ATXN7L1: variants seen among roughly 807,000 people sequenced by gnomAD.
The protein encoded by ATXN7L1 is ataxin 7 like 1.
In ATXN7L1, 15 loss-of-function variants were observed where a neutral mutation model predicts 70.8. That is an observed-to-expected ratio of 0.21 (90% CI 0.14 to 0.33). The LOEUF is 0.33. Among genes scored for constraint, ATXN7L1 ranks in the 10% least tolerant of loss-of-function variants. ATXN7L1 has a pLI of 1.00. For synonymous variants in ATXN7L1, 440 were observed against 445.1 expected, an observed-to-expected ratio of 0.99 and a Z score of 0.14; for missense variants, 975 against 1,097.1, an observed-to-expected ratio of 0.89 and a Z score of 1.57.
At chr7:105,851,283 C>A (rs1205734321) in intron 2 of ATXN7L1, among the ~76,000 whole-genome samples, 1 of 152,156 alleles carries the variant, frequency 6.6e-6, no homozygotes, top group East Asian at 1.9e-4. Flanking sequence ...ACACAGCAAG[C>A]AAGCAGCAGG....
chr7:105,852,413 C>T (rs1183951044), intron 2 of ATXN7L1, among the ~76,000 whole-genome samples: 2 of 152,172 alleles, frequency 1.3e-5, no homozygotes, highest in African/African-American at 2.4e-5. Context: ...AGCAAAAGCA[C>T]TAGTGGCCTT....
intron 3 of ATXN7L1, among the ~76,000 whole-genome samples, chr7:105,717,474 T>C (rs778911752): frequency 2.0e-5 from 3 of 152,236 alleles, no homozygotes; most frequent in Non-Finnish European, 4.4e-5. Context: ...GTAGCCTATA[T>C]TGTTTGTTAT....
At chr7:105,695,811 G>T (rs1203415903) in intron 3 of ATXN7L1, among the ~76,000 whole-genome samples, 2 of 152,204 alleles carry the variant, frequency 1.3e-5, no homozygotes, top group Non-Finnish European at 2.9e-5. Context: ...CACACGCACA[G>T]CTTAATCTGG....
chr7:105,716,093 C>T (rs1794511163), intron 3 of ATXN7L1, among the ~76,000 whole-genome samples: 1 of 152,088 alleles, frequency 6.6e-6, no homozygotes, highest in South Asian at 2.1e-4. Flanking sequence ...CTTAAGTCAT[C>T]TGAGGCCACA....
intron 4 of ATXN7L1, among the ~76,000 whole-genome samples, chr7:105,659,621 GA>G: frequency 6.6e-6 from 1 of 152,210 alleles, no homozygotes; most frequent in East Asian, 1.9e-4. Context: ...GGCCAGGAGA[GA>G]AGGGGACTGA....
chr7:105,760,175 A>C, intron 3 of ATXN7L1: 1 of 982,032 alleles, frequency 1.0e-6, no homozygotes. Context: ...CTGTCTGTCC[A>C]TCTATCCAAC....
Position 105,638,602 on chromosome 7 carries a change from G to C in ATXN7L1, c.953C>G (p.Ser318Trp). ...CTRSLTCKTH[S>W]LSHRRAVPGR... ...TGGGACTGCCCTCCGATGGCTTAGC[G>C]AATGTGTCTAAGGAGAAGAGAAATG... The change falls in exon 7 of 12, where the codon TCG (serine) becomes TGG (tryptophan). Residue 318 changes from serine to tryptophan, a missense_variant. By Grantham distance (177) the Ser-to-Trp change is radical. Around this residue, in one of 5 missense-constraint regions of ATXN7L1, gnomAD observed 6 missense variants for 24.7 expected, o/e 0.24. Coordinates refer to ENST00000419735, the MANE Select transcript of ATXN7L1 (RefSeq NM_020725.2). The C allele has an allele frequency of 4.5e-6, 7 of 1,551,398 alleles. No individual in the cohort carries two copies. Among genetic ancestry groups the C allele is most frequent in the Non-Finnish European group, 6.1e-6 (7 of 1,146,848 alleles).
At chr7:105,633,936 A>G (rs1584421994) in intron 7 of ATXN7L1, among the ~76,000 whole-genome samples, 2 of 152,308 alleles carry the variant, frequency 1.3e-5, no homozygotes, top group South Asian at 2.1e-4. Flanking sequence ...TCGTGTGTGC[A>G]CACACACCAG....
chr7:105,633,369 C>G (rs1052990574), intron 7 of ATXN7L1, among the ~76,000 whole-genome samples: 1 of 152,164 alleles, frequency 6.6e-6, no homozygotes, highest in Non-Finnish European at 1.5e-5. Flanking sequence ...TGTTTTCATT[C>G]TAATTATTTA....
intron 2 of ATXN7L1, among the ~76,000 whole-genome samples, chr7:105,867,153 C>T (rs1307751916): frequency 1.3e-5 from 2 of 152,148 alleles, no homozygotes. Context: ...CTGCAGACCA[C>T]CTGGCACACA....
At chr7:105,745,405 T>C (rs908498804) in intron 3 of ATXN7L1, among the ~76,000 whole-genome samples, 1 of 152,224 alleles carries the variant, frequency 6.6e-6, no homozygotes, top group African/African-American at 2.4e-5. Context: ...CCTTGTAATA[T>C]ATTTTTTCAT....
chr7:105,833,614 T>C (rs1356183056), intron 2 of ATXN7L1, among the ~76,000 whole-genome samples: 1 of 152,208 alleles, frequency 6.6e-6, no homozygotes, highest in Non-Finnish European at 1.5e-5. Context: ...TTCATGAGAG[T>C]ATCCATTTGT....
At chr7:105,737,075 G>T (rs1797460020) in intron 3 of ATXN7L1, among the ~76,000 whole-genome samples, 1 of 152,158 alleles carries the variant, frequency 6.6e-6, no homozygotes, top group African/African-American at 2.4e-5. Flanking sequence ...TTTTAAAAAA[G>T]GGAATCTCTT....
chr7:105,760,694 C>T (rs1245280690), intron 3 of ATXN7L1: 1 of 431,528 alleles, frequency 2.3e-6, no homozygotes, highest in Admixed American at 6.4e-5. Context: ...TAAGGGAGAG[C>T]TCATCTAGTT....
chr7:105,623,320 T>C (rs1392137393), intron 8 of ATXN7L1, among the ~76,000 whole-genome samples: 2 of 152,198 alleles, frequency 1.3e-5, no homozygotes, highest in Non-Finnish European at 2.9e-5. Flanking sequence ...TCCCATGTTC[T>C]AGGCCCCTGC....
chr7:105,872,818 T>C (rs1818459710), intron 2 of ATXN7L1, among the ~76,000 whole-genome samples: 1 of 151,964 alleles, frequency 6.6e-6, no homozygotes, highest in African/African-American at 2.4e-5. Context: ...ATGATAAATT[T>C]TATGCTATGT....
chr7:105,675,349 G>T (rs896252181), intron 3 of ATXN7L1, among the ~76,000 whole-genome samples: 1 of 152,180 alleles, frequency 6.6e-6, no homozygotes, highest in Non-Finnish European at 1.5e-5. Context: ...GAGGCTGGGT[G>T]CGGTGGTTCA....
intron 2 of ATXN7L1, among the ~76,000 whole-genome samples, chr7:105,849,936 T>C (rs191078541): frequency 2.0e-5 from 3 of 152,370 alleles, no homozygotes; most frequent in Admixed American, 1.3e-4. Context: ...TAAAAATTAA[T>C]GCAAATTTTC....
intron 4 of ATXN7L1, among the ~76,000 whole-genome samples, chr7:105,651,796 T>C (rs1032773445): frequency 2.6e-5 from 4 of 152,220 alleles, no homozygotes; most frequent in Non-Finnish European, 5.9e-5. Context: ...AGCCTCCTCA[T>C]GCACAAACAT....
Sources: gnomAD v4.1 joint callset for allele counts (sites outside exome capture counted in the v4.1 genomes callset) on GRCh38, gnomAD v4.1.1 for gene constraint, gnomAD v4.1.1 regional missense constraint, MANE v1.5 for transcripts, NCBI Gene and HGNC (gene_info 2026-07-23, HGNC 2026-07-21) for gene names.